PIN4: variants seen among roughly 807,000 people sequenced by gnomAD.
The protein encoded by PIN4 is peptidylprolyl cis/trans isomerase, NIMA-interacting 4.
In PIN4, 3 loss-of-function variants were observed where a neutral mutation model predicts 8.3. That is an observed-to-expected ratio of 0.36 (90% CI 0.16 to 0.93). The LOEUF is 0.93. Among genes scored for constraint, PIN4 ranks in the 40% least tolerant of loss-of-function variants. The pLI is 0.44. For synonymous variants in PIN4, 18 were observed against 32.5 expected (o/e 0.55, Z 1.52); for missense variants, 75 against 100.6 (o/e 0.75, Z 1.09).
At chrX:72,190,284 A>G (rs1190089000) in intron 2 of PIN4, among the ~76,000 whole-genome samples, 5 of 112,031 alleles carry the variant, frequency 4.5e-5, no homozygotes, top group African/African-American at 1.6e-4. Flanking sequence ...CTTTCTATGC[A>G]CTTAAAATTA....
At chrX:72,207,272 T>C in intron 3 of PIN4, 1 of 1,211,237 alleles carries the variant, frequency 8.3e-7, no homozygotes, top group Non-Finnish European at 1.1e-6. Flanking sequence ...TTAAAGTGCC[T>C]ATTCTTTAAG....
At chrX:72,181,925 G>A in intron 1 of PIN4, 97 bp downstream of exon 1, 1 of 560,607 alleles carries the variant, frequency 1.8e-6, no homozygotes, top group Non-Finnish European at 3.1e-6. Flanking sequence ...GGACGCAGCA[G>A]GTAGCCAGTG....
intron 3 of PIN4, among the ~76,000 whole-genome samples, chrX:72,226,132 T>C (rs1402704664): frequency 3.6e-5 from 4 of 111,823 alleles, no homozygotes; most frequent in African/African-American, 1.3e-4. Flanking sequence ...TGCTCCCCCC[T>C]TAATCCTGCC....
chrX:72,182,765 C>T (rs952407371), intron 1 of PIN4, among the ~76,000 whole-genome samples: 2 of 111,473 alleles, frequency 1.8e-5, no homozygotes, highest in Non-Finnish European at 3.8e-5. Flanking sequence ...TAGGTTAAAG[C>T]ATTCCTTACT....
intron 3 of PIN4, among the ~76,000 whole-genome samples, chrX:72,228,812 C>T (rs899797512): frequency 7.2e-5 from 8 of 110,877 alleles, no homozygotes; most frequent in Non-Finnish European, 1.3e-4. Flanking sequence ...CTTCTCACTG[C>T]TCTCAAGCTC....
chrX:72,263,674 G>A (rs2043148589), exon 4 of PIN4: 1 of 111,653 alleles, frequency 9.0e-6, no homozygotes, highest in Admixed American at 9.5e-5. Flanking sequence ...TCTAGGGAGT[G>A]GGCAGCAGCC....
At chrX:72,206,953 A>G (rs905645046) in intron 3 of PIN4, 1 of 1,211,111 alleles carries the variant, frequency 8.3e-7, no homozygotes, top group African/African-American at 1.7e-5. Flanking sequence ...AGTTTGTCTT[A>G]TTAATGAGTC....
chrX:72,206,520 T>C (rs1445431414), intron 3 of PIN4: 4 of 1,211,456 alleles, frequency 3.3e-6, no homozygotes, highest in Non-Finnish European at 4.5e-6. Flanking sequence ...GAGGCTGTGG[T>C]TTATTCAATT....
At chrX:72,255,403 AG>A (rs1569493431) in intron 3 of PIN4, among the ~76,000 whole-genome samples, 2 of 109,363 alleles carry the variant, frequency 1.8e-5, no homozygotes, top group East Asian at 5.9e-4. Flanking sequence ...GCTTGCTTGC[AG>A]GTTCTCATCC....
chrX:72,193,725 G>C (rs2147573363), intron 2 of PIN4, among the ~76,000 whole-genome samples: 1 of 110,274 alleles, frequency 9.1e-6, no homozygotes, highest in South Asian at 3.8e-4. Flanking sequence ...ACAAAAATTA[G>C]CTTGGCGTGG....
rs201713434 is a variant in PIN4 at position 72,206,881 on chromosome X, G to A, written c.312+9977G>A. ...TACAGAGTTCTGAAGATCCTCGATT[G>A]TAAAGAGCTCTCTTAATTCTTGTTT... On this transcript the variant is annotated intron_variant, in intron 3 of 3. Coordinates refer to the PIN4 transcript ENST00000423432. 7 of 1,210,019 alleles carry A rather than the reference G, an allele frequency of 5.8e-6. No homozygotes were observed. In the African/African-American group the frequency reaches 1.0e-4, roughly 18 times the overall value.
At chrX:72,195,391 C>T (rs1261450843) in intron 2 of PIN4, among the ~76,000 whole-genome samples, 1 of 111,655 alleles carries the variant, frequency 9.0e-6, no homozygotes, top group Non-Finnish European at 1.9e-5. Context: ...ACCTGTAATC[C>T]CAGCACTTTG....
chrX:72,227,228 G>A, intron 3 of PIN4, among the ~76,000 whole-genome samples: 1 of 111,884 alleles, frequency 8.9e-6, no homozygotes, highest in Non-Finnish European at 1.9e-5. Flanking sequence ...ATCATACCCA[G>A]GTTCAGGGTG....
chrX:72,196,270 TCA>T (rs2042764717), intron 2 of PIN4, among the ~76,000 whole-genome samples: 1 of 110,821 alleles, frequency 9.0e-6, no homozygotes, highest in South Asian at 3.8e-4. Flanking sequence ...GAGCGGCGGC[TCA>T]CGCCTGTAAT....
At chrX:72,203,889 T>TTATC (rs1374334217) in intron 3 of PIN4, among the ~76,000 whole-genome samples, 2 of 111,985 alleles carry the variant, frequency 1.8e-5, no homozygotes, top group African/African-American at 3.2e-5. Flanking sequence ...ATACTGCAGT[T>TTATC]TATCTTTCTG....
intron 2 of PIN4, among the ~76,000 whole-genome samples, chrX:72,193,808 G>A (rs1029048315): frequency 5.4e-4 from 59 of 108,922 alleles, no homozygotes; most frequent in Non-Finnish European, 9.5e-4. Context: ...GGGAGGCGGA[G>A]GTTGCAGTGA....
intron 3 of PIN4, among the ~76,000 whole-genome samples, chrX:72,231,133 G>A (rs2042980889): frequency 1.8e-5 from 2 of 112,256 alleles, no homozygotes; most frequent in Non-Finnish European, 3.8e-5. Flanking sequence ...CGTGTTCACT[G>A]CAGCATTATT....
At chrX:72,235,389 C>CT (rs144267277) in intron 3 of PIN4, among the ~76,000 whole-genome samples, 19,127 of 68,389 alleles carry the variant, frequency 0.28, 3,942 homozygotes, top group East Asian at 0.9. Context: ...CCCTCTTCCA[C>CT]TTTTTTTTTT....
At chrX:72,205,687 A>C (rs1215144132) in intron 3 of PIN4, 1 of 1,212,008 alleles carries the variant, frequency 8.3e-7, no homozygotes. Context: ...GCCATCTGAA[A>C]CAATCCTTCT....
Sources: gnomAD v4.1 joint callset for allele counts (sites outside exome capture counted in the v4.1 genomes callset) on GRCh38, gnomAD v4.1.1 for gene constraint, MANE v1.5 for transcripts, NCBI Gene and HGNC (gene_info 2026-07-23, HGNC 2026-07-21) for gene names.